Variants in MYPN observed in about 807,000 individuals in gnomAD.
MYPN encodes the protein myopalladin, also known as sarcomeric protein myopalladin, 145 kDa (MYOP).
MYPN carries 63 observed loss-of-function variants against 129.4 expected under a neutral mutation model. The ratio of observed to expected loss-of-function variants is 0.49; its 90% CI spans 0.40 to 0.60. MYPN has a LOEUF of 0.60. MYPN is among the 20% of genes least tolerant of loss of function. MYPN has a pLI of 0.00. For synonymous variants in MYPN, 629 were observed against 600.9 expected, an observed-to-expected ratio of 1.05 and a Z score of -0.68; for missense variants, 1,596 against 1,635.4, an observed-to-expected ratio of 0.98 and a Z score of 0.42.
chr10:68,169,951 G>A (rs2043119897), intron 10 of MYPN, among the ~76,000 whole-genome samples: 1 of 152,094 alleles, frequency 6.6e-6, no homozygotes, highest in Non-Finnish European at 1.5e-5. Flanking sequence ...TGTTGGCAAG[G>A]CTGGTCTCAA....
intron 13 of MYPN, among the ~76,000 whole-genome samples, chr10:68,192,922 C>T (rs1315924746): frequency 6.6e-6 from 1 of 151,824 alleles, no homozygotes; most frequent in Non-Finnish European, 1.5e-5. Context: ...CTTTCTTAGT[C>T]TAGCTAAATG....
intron 18 of MYPN, among the ~76,000 whole-genome samples, chr10:68,202,834 A>T (rs559818258): frequency 1.3e-5 from 2 of 151,384 alleles, no homozygotes; most frequent in South Asian, 2.1e-4. Context: ...GAATTTTGAC[A>T]TCTAAAATAT....
intron 12 of MYPN, among the ~76,000 whole-genome samples, chr10:68,178,727 A>AT (rs397772398): frequency 6.0e-5 from 9 of 150,812 alleles, no homozygotes; most frequent in African/African-American, 2.2e-4. Context: ...AAAAAAAAAA[A>AT]GGAATCCAGG....
intron 2 of MYPN, among the ~76,000 whole-genome samples, chr10:68,140,545 A>T (rs1029758837): frequency 6.6e-6 from 1 of 152,028 alleles, no homozygotes; most frequent in Non-Finnish European, 1.5e-5. Context: ...TGTAACAATC[A>T]TTCAGAATTG....
chr10:68,144,946 G>T (rs1386092507), intron 3 of MYPN, among the ~76,000 whole-genome samples: 1 of 152,102 alleles, frequency 6.6e-6, no homozygotes, highest in South Asian at 2.1e-4. Context: ...ATGTGACCTT[G>T]AGCAATTCCT....
At chr10:68,098,025 T>A (rs2041964790) in intron 1 of MYPN, among the ~76,000 whole-genome samples, 1 of 151,936 alleles carries the variant, frequency 6.6e-6, no homozygotes, top group Non-Finnish European at 1.5e-5. Context: ...GTGGGTGGAT[T>A]GCCTGAGTTC....
intron 1 of MYPN, among the ~76,000 whole-genome samples, chr10:68,118,790 T>C (rs963549752): frequency 1.3e-5 from 2 of 151,100 alleles, no homozygotes; most frequent in African/African-American, 2.4e-5. Flanking sequence ...GCTATGATCA[T>C]GCCACTGTGC....
chr10:68,127,319 CTTTTT>C (rs71470508), intron 2 of MYPN, among the ~76,000 whole-genome samples: 2 of 72,570 alleles, frequency 2.8e-5, no homozygotes, highest in South Asian at 6.3e-4. Flanking sequence ...ACACATATAT[CTTTTT>C]TTTTTTTTTT....
At chr10:68,133,969 A>C (rs1484431791) in intron 2 of MYPN, among the ~76,000 whole-genome samples, 1 of 152,042 alleles carries the variant, frequency 6.6e-6, no homozygotes, top group Non-Finnish European at 1.5e-5. Flanking sequence ...GATTTTCAAA[A>C]AGCTAAGAAG....
At chr10:68,202,219 T>G (rs972022599) in intron 18 of MYPN, among the ~76,000 whole-genome samples, 1 of 152,028 alleles carries the variant, frequency 6.6e-6, no homozygotes, top group African/African-American at 2.4e-5. Context: ...GATCACGAGG[T>G]CAGGAGATCG....
chr10:68,130,329 GGGCACC>G (rs2042390566), intron 2 of MYPN, among the ~76,000 whole-genome samples: 1 of 151,694 alleles, frequency 6.6e-6, no homozygotes. Flanking sequence ...GCGTGGTGGC[GGGCACC>G]TGTAATCCCA....
chr10:68,152,132 A>T (rs1489752727), intron 6 of MYPN, among the ~76,000 whole-genome samples: 2 of 152,218 alleles, frequency 1.3e-5, no homozygotes, highest in African/African-American at 4.8e-5. Context: ...GTTATTAACA[A>T]TAGAAAGGAA....
In MYPN at chr10:68,182,452, C is replaced by CATATATATATAACATATATACAACAT. The variant is rs1564687263; in HGVS notation, c.2704-6431_2704-6430insACATATATATATATAACATATATACA. Among the ~76,000 whole-genome samples the CATATATATATAACATATATACAACAT allele has an allele frequency of 2.8e-4, 32 of 116,202 alleles. 1 individual carries two copies. Among genetic ancestry groups the CATATATATATAACATATATACAACAT allele is most frequent in the East Asian group, 7.6e-4 (3 of 3,962 alleles). The allele number at this position is 116,202 out of a possible 152,430, so 76.2% of individuals were successfully genotyped here. A position where few individuals can be genotyped will look rare whatever the true frequency, so the allele number is the denominator to read the frequency against. ...ACACATATATATAACATATATATAA[C>CATATATATATAACATATATACAACAT]ATATATATATAACATATATACACAC... On this transcript the variant is annotated intron_variant, in intron 12 of 19. Transcript: ENST00000358913.
intron 18 of MYPN, among the ~76,000 whole-genome samples, chr10:68,203,704 CACACACAT>C (rs1336546480): frequency 5.8e-5 from 2 of 34,580 alleles, no homozygotes; most frequent in Non-Finnish European, 2.4e-4. Flanking sequence ...CACACACACA[CACACACAT>C]ACACACACAG....
chr10:68,175,824 G>A lies in MYPN; in HGVS notation c.2703+363G>A, dbSNP rs573786661. Among the ~76,000 whole-genome samples, 7 of 152,246 alleles carry A rather than the reference G, an allele frequency of 4.6e-5. No individual in the cohort carries two copies. The East Asian group carries it at 9.6e-4, about 21-fold the overall frequency. The stretch of plus-strand genomic sequence containing the variant: ...GGCTGGGGTGCAGTGGTATGATCAC[G>A]GTTCACTGCAACCTTGACCTCCTGG... On this transcript the variant is annotated intron_variant, in intron 12 of 19. Transcript: ENST00000358913.
At chr10:68,208,394 T>C (rs2043851756) in intron 19 of MYPN, among the ~76,000 whole-genome samples, 1 of 152,192 alleles carries the variant, frequency 6.6e-6, no homozygotes, top group African/African-American at 2.4e-5. Context: ...TTCTGGTTAT[T>C]TTCCCTTATC....
chr10:68,146,473 A>G (rs967732052), intron 4 of MYPN, among the ~76,000 whole-genome samples: 1 of 152,232 alleles, frequency 6.6e-6, no homozygotes, highest in South Asian at 2.1e-4. Context: ...CTATAAACTT[A>G]AATAAGCAAG....
At chr10:68,201,202 C>A (rs926164089) in intron 17 of MYPN, among the ~76,000 whole-genome samples, 4 of 152,186 alleles carry the variant, frequency 2.6e-5, no homozygotes, top group African/African-American at 9.7e-5. Context: ...AAAGAAATTC[C>A]TTTAATTCCA....
At chr10:68,136,846 A>G in intron 2 of MYPN, 2 of 1,175,172 alleles carry the variant, frequency 1.7e-6, no homozygotes, top group Non-Finnish European at 2.3e-6. Flanking sequence ...TAATAGAGTT[A>G]CATTGCTTTA....
Sources: gnomAD v4.1 joint callset for allele counts (sites outside exome capture counted in the v4.1 genomes callset) on GRCh38, gnomAD v4.1.1 for gene constraint, MANE v1.5 for transcripts, NCBI Gene and HGNC (gene_info 2026-07-23, HGNC 2026-07-21) for gene names.